Variants in NUP210 observed in about 807,000 individuals in gnomAD.
NUP210 encodes the protein nuclear pore membrane glycoprotein 210.
NUP210 carries 151 observed loss-of-function variants against 196.0 expected under a neutral mutation model. That is an observed-to-expected ratio of 0.77 (90% confidence interval 0.67 to 0.88). The LOEUF (loss-of-function observed/expected upper bound fraction) is 0.88. NUP210 is among the 40% of genes least tolerant of loss of function. The pLI is 0.00. For synonymous variants in NUP210, 1,070 were observed against 1,052.7 expected, an observed-to-expected ratio of 1.02 and a Z score of -0.32; for missense variants, 2,314 against 2,493.7, an observed-to-expected ratio of 0.93 and a Z score of 1.53.
intron 33 of NUP210, among the ~76,000 whole-genome samples, chr3:13,324,048 G>C: frequency 6.6e-6 from 1 of 152,212 alleles, no homozygotes; most frequent in East Asian, 1.9e-4. Flanking sequence ...GAACTTCAGA[G>C]CAGGGATGCG....
At chr3:13,343,339 T>TGGGGGGGGGGGGGGGGGGGGGGGGGTG in intron 20 of NUP210, 36 bp from the exon 21 acceptor site, 1 of 282,520 alleles carries the variant, frequency 3.5e-6, no homozygotes, top group Non-Finnish European at 6.1e-6. Context: ...GGGTGGGTGG[T>TGGGGGGGGGGGGGGGGGGGGGGGGGTG]GGGTTACGCA....
In NUP210 at chr3:13,371,972, C is replaced by T. The variant is rs1167880724; in HGVS notation, c.1648G>A (p.Gly550Ser). ...CTCAGGGGCAGCTCCAGGGCCTGGC[C>T]CACACGTGCCTCCACCTGGCACGGG... is the stretch of plus-strand genomic sequence containing the variant. Reference protein sequence around the residue: ...FAPCQVEARVGQALELPLRIS... With the variant: ...FAPCQVEARVSQALELPLRIS... Residue 550 changes from glycine to serine, a missense_variant, in exon 13 of 40, where the codon GGC (glycine) becomes AGC (serine). Coordinates refer to ENST00000254508, the MANE Select transcript of NUP210 (RefSeq NM_024923.4). The T allele has an allele frequency of 5.0e-6, 8 of 1,602,060 alleles. No homozygotes were observed. The highest frequency in any genetic ancestry group is 6.8e-6 in the Non-Finnish European group (8 of 1,174,448).
chr3:13,327,160 C>A, intron 32 of NUP210, 57 bp downstream of exon 32: 1 of 1,450,072 alleles, frequency 6.9e-7, no homozygotes, highest in Non-Finnish European at 9.4e-7. Flanking sequence ...GTAGCCCCCA[C>A]CCAGCTTTGC....
intron 33 of NUP210, among the ~76,000 whole-genome samples, chr3:13,324,209 A>T (rs1031025769): frequency 1.3e-5 from 2 of 151,050 alleles, no homozygotes; most frequent in Non-Finnish European, 3.0e-5. Context: ...CTAGCCTGGG[A>T]CCCCCCAACG....
intron 20 of NUP210, among the ~76,000 whole-genome samples, chr3:13,343,819 C>A (rs189603776): frequency 6.6e-6 from 1 of 152,154 alleles, no homozygotes; most frequent in Non-Finnish European, 1.5e-5. Context: ...TGCTTTCCCA[C>A]GGCAGCTTGC....
intron 18 of NUP210, among the ~76,000 whole-genome samples, chr3:13,352,486 C>G (rs1273070251): frequency 3.9e-5 from 6 of 152,248 alleles, no homozygotes; most frequent in African/African-American, 1.4e-4. Context: ...CCCTGCCTTG[C>G]AGGACCTCAC....
In NUP210 at chr3:13,319,940, C is replaced by A. The variant is rs1044373551; in HGVS notation, c.5206G>T (p.Glu1736Ter). 19 of 1,614,160 alleles carry A rather than the reference C, an allele frequency of 1.2e-5. No individual in the cohort carries two copies. Among genetic ancestry groups the A allele is most frequent in the Non-Finnish European group, 1.6e-5 (19 of 1,180,034 alleles). Residue 1736 changes from glutamate to a stop codon, truncating the protein, a stop_gained, in exon 37 of 40, where the codon GAG becomes TAG. Transcript: ENST00000254508. LOFTEE classifies it high-confidence loss of function. ...AAGCTGGGCCACCCAAAAGACTTCTCCTTTGCGAATGCCAGCACGGCCGGG... is the reference window on the plus strand; with the variant it reads ...AAGCTGGGCCACCCAAAAGACTTCTACTTTGCGAATGCCAGCACGGCCGGG... ...GSPAVLAFAK[E>*]KSFGWPSFIT...
intron 16 of NUP210, among the ~76,000 whole-genome samples, chr3:13,354,946 C>T (rs1391478259): frequency 6.6e-6 from 1 of 152,188 alleles, no homozygotes; most frequent in Admixed American, 6.5e-5. Flanking sequence ...GTGGGCTATC[C>T]CTCCCTTCTC....
intron 1 of NUP210, among the ~76,000 whole-genome samples, chr3:13,405,707 T>G (rs1408131074): frequency 6.6e-6 from 1 of 152,158 alleles, no homozygotes; most frequent in Non-Finnish European, 1.5e-5. Context: ...CTTCTATTTA[T>G]CACTGAATCC....
chr3:13,360,302 T>G lies in NUP210; in HGVS notation c.2122A>C (p.Ile708Leu). ...HSSRNYQQHW[I>L]LVTCQALGEQ... ...CCCAAGGCCTGACAGGTCACAAGGA[T>G]CCAGTGTTGCTGATAATTCCGGGAG... The change falls in exon 15 of 40, where the codon ATC becomes CTC. Residue 708 changes from isoleucine to leucine, a missense_variant. Transcript: ENST00000254508. 1 of 1,614,128 alleles carries G rather than the reference T, an allele frequency of 6.2e-7. No homozygotes were observed. The highest frequency in any genetic ancestry group is 8.5e-7 in the Non-Finnish European group (1 of 1,180,036).
chr3:13,360,277 C>T lies in NUP210; in HGVS notation c.2147G>A (p.Gly716Asp), dbSNP rs746693949. The T allele has an allele frequency of 7.4e-6, 12 of 1,613,964 alleles. No homozygotes were observed. Among genetic ancestry groups the T allele is most frequent in the Non-Finnish European group, 1.0e-5 (12 of 1,179,922 alleles). ...HWILVTCQAL[G>D]EQVIALSVGN... ...GAGCAGCTGCCCACTCACCTGCTCA[C>T]CCAAGGCCTGACAGGTCACAAGGAT... The change falls in exon 15 of 40, where the codon GGT (glycine) becomes GAT (aspartate). Residue 716 changes from glycine to aspartate, a missense_variant. Transcript: ENST00000254508.
In NUP210 at chr3:13,319,259, A is replaced by G; in HGVS notation, c.5450T>C (p.Leu1817Pro). Residue 1817 changes from leucine (L) to proline (P), a missense_variant, in exon 38 of 40, where the codon CTG (leucine) becomes CCG (proline). Transcript: ENST00000254508. ...YQVMFFTLFA[L>P]LAGTAVMIIA... ...GATCATGACCGCTGTCCCAGCCAAC[A>G]GGGCGAAGAGCGTGAAGAACATGAC... 1.2e-6 allele frequency: 2 copies of G among 1,613,312 alleles called. No homozygotes were observed. The highest frequency in any genetic ancestry group is 1.7e-6 in the Non-Finnish European group (2 of 1,179,634).
chr3:13,363,640 C>G (rs1215744899), intron 14 of NUP210, among the ~76,000 whole-genome samples: 1 of 152,208 alleles, frequency 6.6e-6, no homozygotes. Context: ...ACAGAGACAT[C>G]AATTCCTCTA....
chr3:13,343,038 T>G (rs1697575635), intron 21 of NUP210, 137 bp downstream of exon 21: 1 of 1,031,770 alleles, frequency 9.7e-7, no homozygotes, highest in Non-Finnish European at 1.4e-6. Context: ...GGGAGACAGC[T>G]CCGCAAGCTC....
In NUP210 at chr3:13,317,031, T is replaced by C. The variant is rs1696297489; in HGVS notation, c.*650A>G. 1.3e-5 allele frequency: 2 copies of C among 153,214 alleles called. No homozygotes were observed. The highest frequency in any genetic ancestry group is 6.5e-5 in the Admixed American group (1 of 15,452). 9.5% of individuals were successfully genotyped at this position (153,214 alleles called of 1,614,324 possible). The stretch of plus-strand genomic sequence containing the variant: ...ACTGAAGTCTGTTCACAGTGGCCCA[T>C]GGTTGGGCAGCAGCCCTGGGTGAGC... On this transcript the variant is annotated 3_prime_UTR_variant, in exon 40 of 40. Coordinates refer to ENST00000254508, the MANE Select transcript of NUP210 (RefSeq NM_024923.4).
chr3:13,395,917 C>G (rs1220525789), intron 3 of NUP210, among the ~76,000 whole-genome samples: 1 of 152,172 alleles, frequency 6.6e-6, no homozygotes, highest in Non-Finnish European at 1.5e-5. Flanking sequence ...CAGAGAAACA[C>G]CCCCTGGCTT....
At chr3:13,344,824 C>T (rs1343048879) in intron 20 of NUP210, 5 of 653,416 alleles carry the variant, frequency 7.7e-6, no homozygotes, top group Non-Finnish European at 5.7e-6. Flanking sequence ...GCCTCGCAGC[C>T]CACCTTAAAG....
chr3:13,395,183 G>A (rs184248583), intron 3 of NUP210, among the ~76,000 whole-genome samples: 12 of 152,288 alleles, frequency 7.9e-5, no homozygotes, highest in African/African-American at 2.9e-4. Context: ...GGAAGGCTGA[G>A]GCAGGCACCT....
Position 13,386,258 on chromosome 3 carries a change from C to T in NUP210, c.817+17G>A. 1 of 1,606,380 alleles carries T rather than the reference C, an allele frequency of 6.2e-7. No homozygotes were observed. ...AGGAAGGAAGCATCTGTCATGATGG[C>T]AGAGCCAATGACACACCTGTAATTT... On this transcript the variant is annotated intron_variant, in intron 6 of 39. Coordinates refer to ENST00000254508, the MANE Select transcript of NUP210 (RefSeq NM_024923.4).
Sources: allele counts gnomAD v4.1 joint callset (sites outside exome capture counted in the v4.1 genomes callset), GRCh38; gene constraint gnomAD v4.1.1; transcripts MANE v1.5; gene names NCBI Gene and HGNC (gene_info 2026-07-23, HGNC 2026-07-21).